The following RASSF2 variants were observed in gnomAD, a reference collection of about 807,000 sequenced individuals.
RASSF2 encodes ras association domain-containing protein 2.
A neutral mutation model predicts 46.3 loss-of-function variants in RASSF2; 34 were observed. The observed-to-expected ratio is 0.73, with a 90% CI of 0.56 to 0.98. The LOEUF is 0.98. Among genes scored for constraint, RASSF2 ranks in the 50% least tolerant of loss-of-function variants. The probability of loss-of-function intolerance (pLI) is 0.00; values close to 1 mark genes in which losing one functional copy is unlikely to be tolerated. For synonymous variants in RASSF2, 158 were observed against 162.5 expected (o/e 0.97, Z 0.21); for missense variants, 364 against 431.2 (o/e 0.84, Z 1.38).
At chr20:4,792,862 G>A (rs1926019334) in intron 5 of RASSF2, 1 of 744,638 alleles carries the variant, frequency 1.3e-6, no homozygotes, top group African/African-American at 1.8e-5. Flanking sequence ...TCCGGAGGGA[G>A]AAGATGTTCT....
intron 2 of RASSF2, among the ~76,000 whole-genome samples, chr20:4,804,683 T>C (rs562653877): frequency 2.6e-5 from 4 of 152,302 alleles, no homozygotes; most frequent in South Asian, 4.1e-4. Context: ...CTAGTCAGTG[T>C]CCCTTTTTCT....
chr20:4,807,021 T>C (rs1167778840), intron 2 of RASSF2, among the ~76,000 whole-genome samples: 3 of 152,224 alleles, frequency 2.0e-5, no homozygotes, highest in African/African-American at 7.2e-5. Flanking sequence ...AATTTGATTC[T>C]TAAAACTATC....
chr20:4,798,852 A>C (rs916925140), intron 3 of RASSF2, among the ~76,000 whole-genome samples: 1 of 130,344 alleles, frequency 7.7e-6, no homozygotes, highest in African/African-American at 3.1e-5. Context: ...AAACAAAAAA[A>C]AAAAAACTTG....
At chr20:4,813,246 C>T (rs1027803869) in intron 2 of RASSF2, among the ~76,000 whole-genome samples, 11 of 152,144 alleles carry the variant, frequency 7.2e-5, no homozygotes, top group African/African-American at 2.4e-4. Flanking sequence ...CCCTGCCTGG[C>T]CCACCGACAC....
intron 4 of RASSF2, among the ~76,000 whole-genome samples, chr20:4,797,320 C>G (rs1009826856): frequency 6.6e-6 from 1 of 152,174 alleles, no homozygotes; most frequent in Non-Finnish European, 1.5e-5. Context: ...TTATCTGTTT[C>G]TATGGTTAAA....
At chr20:4,802,526 A>G (rs922697568) in intron 2 of RASSF2, among the ~76,000 whole-genome samples, 1 of 152,224 alleles carries the variant, frequency 6.6e-6, no homozygotes, top group Admixed American at 6.5e-5. Context: ...ACATGCTAGA[A>G]CATGGGTGAA....
chr20:4,820,903 C>A (rs1015724546), intron 2 of RASSF2, among the ~76,000 whole-genome samples: 14 of 152,284 alleles, frequency 9.2e-5, no homozygotes, highest in South Asian at 8.3e-4. Flanking sequence ...AGTAAGGACA[C>A]TTCCTGCCAA....
At chr20:4,823,218 C>A (rs929627983) in intron 1 of RASSF2, among the ~76,000 whole-genome samples, 2 of 151,860 alleles carry the variant, frequency 1.3e-5, no homozygotes, top group African/African-American at 2.4e-5. Flanking sequence ...GGTGGGGGGA[C>A]GCGGAAAGAG....
chr20:4,818,482 G>A (rs980346680), intron 2 of RASSF2, among the ~76,000 whole-genome samples: 1 of 152,134 alleles, frequency 6.6e-6, no homozygotes, highest in Non-Finnish European at 1.5e-5. Context: ...GTGTGCTGGG[G>A]CCAGATCCTA....
At position 4,781,099 on chromosome 20, in the gene RASSF2, G is replaced by A. The variant is rs1924777328; in HGVS notation, c.*3174C>T. ...TGTTGTTGGTGGTGGTTTCTTTAAA[G>A]AGAATTCCCTTTTCTTAAGAGAGCT... On this transcript the variant is annotated 3_prime_UTR_variant, in exon 12 of 12. Coordinates refer to ENST00000379400, the MANE Select transcript of RASSF2 (RefSeq NM_014737.3). 6.6e-6 allele frequency: 1 copy of A among 152,108 alleles called. No homozygotes were observed. The highest frequency in any genetic ancestry group is 1.5e-5 in the Non-Finnish European group (1 of 68,026). The allele number at this position is 152,108 out of a possible 1,614,324, so 9.4% of individuals were successfully genotyped here.
At chr20:4,805,847 C>G (rs2423016) in intron 2 of RASSF2, among the ~76,000 whole-genome samples, 1 of 152,010 alleles carries the variant, frequency 6.6e-6, no homozygotes, top group Non-Finnish European at 1.5e-5. Flanking sequence ...GTCCTGGTGA[C>G]GCACAGGCTG....
intron 3 of RASSF2, 81 bp downstream of exon 3, chr20:4,800,891 T>A: frequency 1.7e-6 from 2 of 1,205,154 alleles, no homozygotes; most frequent in Non-Finnish European, 2.5e-6. Context: ...GGGGGCCCTC[T>A]GCCAGCGGCT....
chr20:4,788,056 C>A (rs1312883190), intron 9 of RASSF2, among the ~76,000 whole-genome samples, 161 bp downstream of exon 9: 1 of 152,096 alleles, frequency 6.6e-6, no homozygotes, highest in Admixed American at 6.6e-5. Context: ...ATAAGGCAAT[C>A]CCTAGTAGAC....
At chr20:4,813,507 G>A (rs551260247) in intron 2 of RASSF2, among the ~76,000 whole-genome samples, 2 of 152,326 alleles carry the variant, frequency 1.3e-5, no homozygotes, top group East Asian at 3.9e-4. Context: ...TGACCCAGAA[G>A]GCCACCGCTG....
chr20:4,788,300 GT>G, intron 8 of RASSF2, 32 bp from the exon 9 acceptor site: 1 of 1,581,630 alleles, frequency 6.3e-7, no homozygotes, highest in South Asian at 1.1e-5. Flanking sequence ...CTTGTTGAAA[GT>G]TTCTATTTAA....
chr20:4,792,644 C>T lies in RASSF2; in HGVS notation c.288-17G>A. 1 of 1,611,360 alleles carries T rather than the reference C, an allele frequency of 6.2e-7. No individual in the cohort carries two copies. Among genetic ancestry groups the T allele is most frequent in the Non-Finnish European group, 8.5e-7 (1 of 1,178,766 alleles). ...AGAGTGGTTCTGGGAGTGGAGAAGA[C>T]AAAGGGGAGGGGGGAGACTAGTTTA... On this transcript the variant is annotated splice_polypyrimidine_tract_variant and intron_variant, in intron 5 of 11. Coordinates refer to ENST00000379400, the MANE Select transcript of RASSF2 (RefSeq NM_014737.3).
At chr20:4,787,854 A>T in intron 9 of RASSF2, 100 bp from the exon 10 acceptor site, 1 of 1,438,230 alleles carries the variant, frequency 7.0e-7, no homozygotes. Context: ...ATGCCGCCAT[A>T]TACGTCAGGA....
intron 6 of RASSF2, among the ~76,000 whole-genome samples, chr20:4,792,266 G>A (rs1440212269): frequency 7.5e-6 from 1 of 134,082 alleles, no homozygotes; most frequent in African/African-American, 2.8e-5. Flanking sequence ...AGGAGGGGAG[G>A]GGAGGGGAGG....
chr20:4,789,738 A>G lies in RASSF2; in HGVS notation c.538-41T>C, dbSNP rs372720604. 5 of 1,547,224 alleles carry G rather than the reference A, an allele frequency of 3.2e-6. No homozygotes were observed. The African/African-American group carries it at 6.8e-5, about 21-fold the overall frequency. ...CCCAGCTCAGGGTGGGAGTGGGAAC[A>G]AGGACCCAGTGCTAAAATCCAGGTG... On this transcript the variant is annotated intron_variant, in intron 7 of 11. Coordinates refer to ENST00000379400, the MANE Select transcript of RASSF2 (RefSeq NM_014737.3).
Sources: gnomAD v4.1 joint callset for allele counts (sites outside exome capture counted in the v4.1 genomes callset) on GRCh38, gnomAD v4.1.1 for gene constraint, MANE v1.5 for transcripts, NCBI Gene and HGNC (gene_info 2026-07-23, HGNC 2026-07-21) for gene names.